Variants in MYRIP observed in about 807,000 individuals in gnomAD.
MYRIP encodes myosin VIIA and Rab interacting protein.
MYRIP carries 49 observed loss-of-function variants against 98.0 expected under a neutral mutation model. That is an observed-to-expected ratio of 0.50 (90% CI 0.40 to 0.63). The LOEUF (loss-of-function observed/expected upper bound fraction) is 0.63, where lower values mean the gene tolerates loss of function less well. MYRIP is among the 30% of genes least tolerant of loss of function. The probability of loss-of-function intolerance (pLI) is 0.00; values close to 1 mark genes in which losing one functional copy is unlikely to be tolerated. For missense variants in MYRIP, 1,004 were observed against 1,058.2 expected, an observed-to-expected ratio of 0.95 and a Z score of 0.71; for synonymous variants, 404 against 409.5, an observed-to-expected ratio of 0.99 and a Z score of 0.16.
intron 1 of MYRIP, among the ~76,000 whole-genome samples, chr3:39,886,945 C>G (rs1357148601): frequency 5.9e-5 from 9 of 152,010 alleles, no homozygotes; most frequent in Non-Finnish European, 2.9e-5. Flanking sequence ...GGAAGTAAAG[C>G]TCTCCTCAGC....
chr3:40,245,670 A>G lies in MYRIP; in HGVS notation c.2262+1063A>G, dbSNP rs1348298626. On this transcript the variant is annotated intron_variant, in intron 13 of 16. Coordinates refer to ENST00000302541, the MANE Select transcript of MYRIP (RefSeq NM_015460.4). ...ATCTCCAAAAAAAAAAAAAAAAAAA[A>G]GGGCTCCATGTGTTACTCAAGTTTG... is the stretch of plus-strand genomic sequence containing the variant. Among the ~76,000 whole-genome samples, 6 of 138,204 alleles carry G rather than the reference A, an allele frequency of 4.3e-5. No individual in the cohort carries two copies. In the East Asian group the frequency reaches 7.0e-4, roughly 16 times the overall value. 90.7% of individuals were successfully genotyped at this position (138,204 alleles called of 152,430 possible).
intron 3 of MYRIP, among the ~76,000 whole-genome samples, chr3:40,054,885 A>C (rs757363864): frequency 6.6e-6 from 1 of 152,210 alleles, no homozygotes; most frequent in African/African-American, 2.4e-5. Flanking sequence ...AACTGAAAAA[A>C]CATCACACTG....
At chr3:39,978,980 T>G (rs1312900375) in intron 2 of MYRIP, among the ~76,000 whole-genome samples, 2 of 152,168 alleles carry the variant, frequency 1.3e-5, no homozygotes, top group African/African-American at 4.8e-5. Context: ...AAGAGGAAAT[T>G]GCATAGGAGG....
intron 4 of MYRIP, among the ~76,000 whole-genome samples, chr3:40,157,457 T>C (rs1423009130): frequency 6.6e-6 from 1 of 150,720 alleles, no homozygotes; most frequent in African/African-American, 2.4e-5. Context: ...TAAAATTCTC[T>C]TTTTTGGTTG....
chr3:39,894,916 TA>T, intron 1 of MYRIP, among the ~76,000 whole-genome samples: 2 of 152,360 alleles, frequency 1.3e-5, no homozygotes, highest in East Asian at 3.9e-4. Context: ...TACTTACTTA[TA>T]GCCCCTCTAC....
chr3:39,953,053 G>A (rs1200324279), intron 2 of MYRIP, among the ~76,000 whole-genome samples: 2 of 152,098 alleles, frequency 1.3e-5, no homozygotes, highest in Non-Finnish European at 2.9e-5. Context: ...TGGAATTGCT[G>A]CTGTTTCTGA....
intron 2 of MYRIP, among the ~76,000 whole-genome samples, chr3:40,028,837 A>C (rs752751059): frequency 6.6e-6 from 1 of 152,166 alleles, no homozygotes; most frequent in South Asian, 2.1e-4. Flanking sequence ...CTACAGGGCA[A>C]TATAATCTAA....
At chr3:39,945,494 A>AAAAAG (rs1559531695) in intron 2 of MYRIP, among the ~76,000 whole-genome samples, 1 of 148,316 alleles carries the variant, frequency 6.7e-6, no homozygotes, top group African/African-American at 2.5e-5. Context: ...AAAAAAAAGA[A>AAAAAG]AAAAGAAAAA....
intron 3 of MYRIP, among the ~76,000 whole-genome samples, chr3:40,088,492 G>T (rs1948674091): frequency 6.6e-6 from 1 of 152,192 alleles, no homozygotes; most frequent in African/African-American, 2.4e-5. Context: ...TTGGCCCAGT[G>T]CCTGCTCTGT....
chr3:40,046,928 G>A (rs544695488), intron 3 of MYRIP, among the ~76,000 whole-genome samples: 40 of 152,248 alleles, frequency 2.6e-4, no homozygotes, highest in Admixed American at 7.2e-4. Flanking sequence ...TAAACAGTTA[G>A]TAGCAATAGA....
chr3:39,997,004 T>C (rs1946377005), intron 2 of MYRIP, among the ~76,000 whole-genome samples: 1 of 152,120 alleles, frequency 6.6e-6, no homozygotes. Context: ...AGACACAACA[T>C]ACCAGAATCT....
intron 3 of MYRIP, among the ~76,000 whole-genome samples, chr3:40,149,116 A>G (rs908085634): frequency 8.5e-5 from 13 of 152,190 alleles, no homozygotes; most frequent in Admixed American, 7.9e-4. Flanking sequence ...GGTAATTTAT[A>G]AAGAAAAGAG....
rs7625538 is a variant in MYRIP at position 40,258,914 on chromosome 3, G to A, written c.*748G>A. 22,724 of 152,226 alleles carry A rather than the reference G, an allele frequency of 0.15. 3,263 individuals carry two copies. The highest frequency in any genetic ancestry group is 0.38 in the African/African-American group (15,662 of 41,466). The allele number at this position is 152,226 out of a possible 1,614,324, so 9.4% of individuals were successfully genotyped here. A position where few individuals can be genotyped will look rare whatever the true frequency, so the allele number is the denominator to read the frequency against. On this transcript the variant is annotated 3_prime_UTR_variant, in exon 17 of 17. Coordinates refer to ENST00000302541, the MANE Select transcript of MYRIP (RefSeq NM_015460.4). ...CCATGGGCTTACTGACAGTTGCCCA[G>A]ATCTGAAGGGGAAAGGGTCTTGAGA...
rs1444247471 is a variant in MYRIP, at chr3:40,104,141, T to C, written c.333-46907T>C. The stretch of plus-strand genomic sequence containing the variant: ...AGAACAGATCAGTTCAAACCCCATG[T>C]GCAGGAGAGTGCCTGTTGGGCTATA... On this transcript the variant is annotated intron_variant, in intron 3 of 16. Transcript: ENST00000302541. Among the ~76,000 whole-genome samples, 3 of 152,238 alleles carry C rather than the reference T, an allele frequency of 2.0e-5. No homozygotes were observed. In the East Asian group the frequency reaches 5.8e-4, roughly 29 times the overall value.
intron 1 of MYRIP, among the ~76,000 whole-genome samples, chr3:39,831,898 G>T (rs1033298500): frequency 4.6e-5 from 7 of 152,136 alleles, no homozygotes; most frequent in Non-Finnish European, 1.0e-4. Flanking sequence ...AAGTTTCTGG[G>T]TTTCTCATGT....
At chr3:39,899,001 A>AAGC (rs1943682029) in intron 1 of MYRIP, among the ~76,000 whole-genome samples, 1 of 152,174 alleles carries the variant, frequency 6.6e-6, no homozygotes, top group South Asian at 2.1e-4. Context: ...TAACAAGGTG[A>AAGC]AGCAGCAGCA....
chr3:40,189,748 A>C (rs1229109451), intron 9 of MYRIP, 78 bp from the exon 10 acceptor site: 36 of 1,427,280 alleles, frequency 2.5e-5, no homozygotes, highest in Non-Finnish European at 3.1e-5. Flanking sequence ...ACTCTTGGGG[A>C]GGTAACAAGT....
At position 39,828,465 on chromosome 3, in the gene MYRIP, T is replaced by TTA. The variant is rs150044293; in HGVS notation, c.-31+18562_-31+18563dup. ...ATGATTTTGAATTATTTCTGGCAAT[T>TTA]TATATATATATATAATATCTTTTAT... On this transcript the variant is annotated intron_variant, in intron 1 of 16. Transcript: ENST00000302541. Among the ~76,000 whole-genome samples the TTA allele has an allele frequency of 2.1e-3, 315 of 151,104 alleles. 2 individuals carry two copies. The highest frequency in any genetic ancestry group is 6.7e-3 in the South Asian group (32 of 4,786).
intron 1 of MYRIP, among the ~76,000 whole-genome samples, chr3:39,818,603 CAT>C (rs143600332): frequency 0.082 from 12,475 of 152,138 alleles, 553 homozygotes; most frequent in African/African-American, 0.12. Context: ...TATGAAATAA[CAT>C]ATTTTATTAA....
Sources: allele counts gnomAD v4.1 joint callset (sites outside exome capture counted in the v4.1 genomes callset), GRCh38; gene constraint gnomAD v4.1.1; transcripts MANE v1.5; gene names NCBI Gene and HGNC (gene_info 2026-07-23, HGNC 2026-07-21).